Variants in IL23R observed in about 807,000 individuals in gnomAD.
IL23R encodes interleukin-23 receptor.
IL23R carries 34 observed loss-of-function variants against 56.9 expected under a neutral mutation model. That is an observed-to-expected ratio of 0.60 (90% CI 0.45 to 0.80). IL23R has a LOEUF of 0.80. IL23R is among the 30% of genes least tolerant of loss of function. The pLI is 0.00. For missense variants in IL23R, 635 were observed against 730.0 expected (o/e 0.87, Z 1.50); for synonymous variants, 230 against 249.2 (o/e 0.92, Z 0.73).
chr1:67,167,611 C>T (rs934197553), intron 1 of IL23R, among the ~76,000 whole-genome samples: 2 of 152,116 alleles, frequency 1.3e-5, no homozygotes, highest in African/African-American at 2.4e-5. Flanking sequence ...GTAATCCTAG[C>T]ACTTTGGGAG....
Position 67,206,304 on chromosome 1 carries a change from T to G in IL23R, c.653-606T>G, listed in dbSNP as rs184474997. Among the ~76,000 whole-genome samples the G allele has an allele frequency of 3.9e-3, 588 of 152,210 alleles. 2 individuals are homozygous for G. Among genetic ancestry groups the G allele is most frequent in the Admixed American group, 6.0e-3 (92 of 15,272 alleles). On this transcript the variant is annotated intron_variant, in intron 5 of 10. Coordinates refer to ENST00000347310, the MANE Select transcript of IL23R (RefSeq NM_144701.3). ...CTGGGAATACAGACATGAGCCACCATGCCCAGCCTTTCTTTCTTTTTTTTG... is the reference window on the plus strand; with the variant it reads ...CTGGGAATACAGACATGAGCCACCAGGCCCAGCCTTTCTTTCTTTTTTTTG...
At chr1:67,225,700 G>A (rs1486590482) in intron 7 of IL23R, among the ~76,000 whole-genome samples, 1 of 151,938 alleles carries the variant, frequency 6.6e-6, no homozygotes, top group East Asian at 1.9e-4. Flanking sequence ...AGTAGAGACA[G>A]GGTTTCGTCA....
intron 7 of IL23R, among the ~76,000 whole-genome samples, chr1:67,224,321 A>G (rs986765377): frequency 6.6e-6 from 1 of 152,386 alleles, no homozygotes; most frequent in Admixed American, 6.5e-5. Context: ...TTGTTTGATA[A>G]TGAGGTTTTT....
chr1:67,265,771 T>C, the IL23R span, among the ~76,000 whole-genome samples: 17 of 152,180 alleles, frequency 1.1e-4, no homozygotes, highest in South Asian at 1.2e-3. Flanking sequence ...CCAGGTGTGG[T>C]GGTGTGCTCC....
upstream of IL23R, among the ~76,000 whole-genome samples, chr1:67,163,525 G>T (rs1393553567): frequency 8.6e-6 from 1 of 116,332 alleles, no homozygotes; most frequent in Non-Finnish European, 1.9e-5. Flanking sequence ...AAAAAGAAAA[G>T]AAATGTAATC....
chr1:67,142,444 A>G (rs1408113954), intron 1 of IL23R, among the ~76,000 whole-genome samples: 3 of 152,132 alleles, frequency 2.0e-5, no homozygotes, highest in Admixed American at 2.0e-4. Flanking sequence ...GTTTTGTGGC[A>G]CTTTTACCTA....
Position 67,182,955 on chromosome 1 carries a change from A to G in IL23R, c.487A>G (p.Lys163Glu). The G allele has an allele frequency of 6.2e-7, 1 of 1,614,012 alleles. No individual in the cohort carries two copies. Among genetic ancestry groups the G allele is most frequent in the Non-Finnish European group, 8.5e-7 (1 of 1,179,900 alleles). ...AGACACAAAATACGTGGTACATGTGAAGAGGTAGGTCACTTCCTCACGGCT... is the reference window on the plus strand; with the variant it reads ...AGACACAAAATACGTGGTACATGTGGAGAGGTAGGTCACTTCCTCACGGCT... ...YIDTKYVVHVKSLETEEEQQY... is the reference protein window; with the variant it reads ...YIDTKYVVHVESLETEEEQQY... The change falls in exon 4 of 11, where the codon AAG becomes GAG. Residue 163 changes from lysine (K) to glutamate (E), a missense_variant. Physicochemically the swap from Lys to Glu is moderately conservative, Grantham distance 56 (BLOSUM62 1). Transcript: ENST00000347310.
chr1:67,247,543 A>G (rs1652313155), intron 9 of IL23R, among the ~76,000 whole-genome samples: 2 of 152,054 alleles, frequency 1.3e-5, no homozygotes, highest in South Asian at 4.1e-4. Flanking sequence ...ACCTCAGGTG[A>G]TCCGCCCACC....
intron 4 of IL23R, among the ~76,000 whole-genome samples, chr1:67,199,392 C>T (rs1648437777): frequency 6.6e-6 from 1 of 152,190 alleles, no homozygotes; most frequent in Non-Finnish European, 1.5e-5. Flanking sequence ...CATCCTCACC[C>T]TATGTCCTGA....
intron 4 of IL23R, among the ~76,000 whole-genome samples, chr1:67,188,347 G>A (rs1255352796): frequency 1.3e-5 from 2 of 152,184 alleles, no homozygotes; most frequent in African/African-American, 4.8e-5. Flanking sequence ...GGCCACAACA[G>A]TGTCACATGT....
intron 4 of IL23R, among the ~76,000 whole-genome samples, chr1:67,191,050 A>G (rs1252325699): frequency 6.6e-6 from 1 of 152,216 alleles, no homozygotes; most frequent in Non-Finnish European, 1.5e-5. Flanking sequence ...CAGAGAGCTA[A>G]TTGTGGCTGG....
intron 6 of IL23R, among the ~76,000 whole-genome samples, chr1:67,211,423 C>T (rs1249291466): frequency 6.6e-6 from 1 of 152,142 alleles, no homozygotes; most frequent in East Asian, 1.9e-4. Flanking sequence ...GGATTGAAGA[C>T]CAGACTGGCC....
At chr1:67,203,238 G>A (rs1648762324) in intron 5 of IL23R, among the ~76,000 whole-genome samples, 1 of 152,106 alleles carries the variant, frequency 6.6e-6, no homozygotes, top group South Asian at 2.1e-4. Flanking sequence ...AACCATACAT[G>A]ATACTACTGT....
chr1:67,213,725 G>C (rs1011163895), intron 6 of IL23R, among the ~76,000 whole-genome samples: 5 of 152,182 alleles, frequency 3.3e-5, no homozygotes, highest in African/African-American at 1.2e-4. Context: ...CCAGGTTTGT[G>C]TAATTACAAT....
At chr1:67,180,243 G>A (rs4468554) in intron 3 of IL23R, among the ~76,000 whole-genome samples, 1 of 152,126 alleles carries the variant, frequency 6.6e-6, no homozygotes, top group Non-Finnish European at 1.5e-5. Context: ...TTATTATTGT[G>A]TGGGGAGTCT....
chr1:67,255,915 GA>G lies in IL23R; in HGVS notation c.1231del (p.Met411CysfsTer9). The G allele has an allele frequency of 1.3e-6, 2 of 1,595,710 alleles. No homozygotes were observed. Among genetic ancestry groups the G allele is most frequent in the Non-Finnish European group, 1.7e-6 (2 of 1,163,632 alleles). On this transcript the variant is annotated frameshift_variant, in exon 10 of 11. Coordinates refer to ENST00000347310, the MANE Select transcript of IL23R (RefSeq NM_144701.3). LOFTEE classifies it low-confidence loss of function (END_TRUNC). ...CTAATATGAAAAACAGCAATGTTGT[GA>G]AAATGCTACAGGTAACCTAACATCA... Reference protein sequence around the residue: ...IPNMKNSNVVKMLQENSELMN... With the variant: ...IPNMKNSNVVXMLQENSELMN...
intron 7 of IL23R, among the ~76,000 whole-genome samples, chr1:67,223,164 G>T (rs936008819): frequency 2.0e-5 from 3 of 152,168 alleles, no homozygotes; most frequent in Non-Finnish European, 2.9e-5. Flanking sequence ...TGAGGCAGGA[G>T]AATCTCTTGA....
At chr1:67,145,506 C>A (rs1570752622) in intron 1 of IL23R, among the ~76,000 whole-genome samples, 2 of 152,154 alleles carry the variant, frequency 1.3e-5, no homozygotes, top group South Asian at 4.1e-4. Flanking sequence ...CTCTTCCCAC[C>A]TCTTTTCTGG....
At chr1:67,227,940 A>ATCTTTCTTTCTTTCTCTT (rs1650732230) in intron 7 of IL23R, among the ~76,000 whole-genome samples, 1 of 37,434 alleles carries the variant, frequency 2.7e-5, no homozygotes. Context: ...CAGAACAAAG[A>ATCTTTCTTTCTTTCTCTT]TCTTTCTTTC....
Sources: gnomAD v4.1 joint callset for allele counts (sites outside exome capture counted in the v4.1 genomes callset) on GRCh38, gnomAD v4.1.1 for gene constraint, MANE v1.5 for transcripts, NCBI Gene and HGNC (gene_info 2026-07-23, HGNC 2026-07-21) for gene names.